The following AZI2 variants were observed in gnomAD, a reference collection of about 807,000 sequenced individuals.
AZI2 encodes the protein 5-azacytidine-induced protein 2.
A neutral mutation model predicts 45.8 loss-of-function variants in AZI2; 22 were observed. The observed-to-expected ratio is 0.48, with a 90% CI of 0.34 to 0.69. AZI2 has a LOEUF of 0.69. Among genes scored for constraint, AZI2 ranks in the 30% least tolerant of loss-of-function variants. The probability of loss-of-function intolerance (pLI) is 0.01; values close to 1 mark genes in which losing one functional copy is unlikely to be tolerated. For missense variants in AZI2, 417 were observed against 441.5 expected (o/e 0.94, Z 0.50); for synonymous variants, 137 against 156.7 (o/e 0.87, Z 0.94).
intron 5 of AZI2, among the ~76,000 whole-genome samples, chr3:28,335,483 G>A (rs1703753863): frequency 6.6e-6 from 1 of 151,854 alleles, no homozygotes; most frequent in Admixed American, 6.6e-5. Flanking sequence ...AATCAACTTT[G>A]TAAGTAGGAA....
chr3:28,331,973 A>AC (rs1340249258), intron 6 of AZI2: 12 of 1,436,540 alleles, frequency 8.4e-6, no homozygotes, highest in East Asian at 2.5e-5. Flanking sequence ...ACAAAAAACA[A>AC]AAAAAAATAA....
chr3:28,347,657 T>C (rs540869953), intron 1 of AZI2, among the ~76,000 whole-genome samples: 13 of 152,354 alleles, frequency 8.5e-5, no homozygotes, highest in African/African-American at 3.1e-4. Context: ...CATTTCCCAT[T>C]ATGTTATGCT....
intron 7 of AZI2, among the ~76,000 whole-genome samples, chr3:28,325,793 C>T (rs1179383064): frequency 1.3e-5 from 2 of 151,016 alleles, no homozygotes; most frequent in Non-Finnish European, 3.0e-5. Flanking sequence ...TCATATATAA[C>T]TCTGACCACT....
At chr3:28,345,639 A>T (rs1352956870) in intron 1 of AZI2, among the ~76,000 whole-genome samples, 1 of 152,138 alleles carries the variant, frequency 6.6e-6, no homozygotes, top group African/African-American at 2.4e-5. Flanking sequence ...TAGAAATAAG[A>T]ACAGTACTAC....
At chr3:28,330,566 GC>G (rs1309755890) in intron 6 of AZI2, among the ~76,000 whole-genome samples, 8 of 151,166 alleles carry the variant, frequency 5.3e-5, no homozygotes, top group African/African-American at 1.9e-4. Flanking sequence ...AAATGATGAG[GC>G]GAAAAATAGA....
intron 1 of AZI2, among the ~76,000 whole-genome samples, chr3:28,346,359 T>C (rs1416220694): frequency 6.6e-6 from 1 of 152,112 alleles, no homozygotes; most frequent in African/African-American, 2.4e-5. Context: ...AAAAGTTTAA[T>C]ACAAATACAG....
Position 28,321,223 on chromosome 3 carries a change from C to T in AZI2, c.*2819G>A, listed in dbSNP as rs1703177510. The T allele has an allele frequency of 6.6e-6, 1 of 151,404 alleles. No individual in the cohort carries two copies. The highest frequency in any genetic ancestry group is 2.1e-4 in the South Asian group (1 of 4,830). The allele number at this position is 151,404 out of a possible 1,614,324, so 9.4% of individuals were successfully genotyped here. A position where few individuals can be genotyped will look rare whatever the true frequency, so the allele number is the denominator to read the frequency against. Reference sequence around the variant, plus strand: ...AGGGGCAAACATGCCCATATTTCCACATTGACCTTTGGTATTGGTGCATTT... The same window carrying T: ...AGGGGCAAACATGCCCATATTTCCATATTGACCTTTGGTATTGGTGCATTT... On this transcript the variant is annotated 3_prime_UTR_variant, in exon 8 of 8. Coordinates refer to ENST00000479665, the MANE Select transcript of AZI2 (RefSeq NM_022461.5).
rs138423101 is a variant in AZI2 at position 28,329,073 on chromosome 3, T to C, written c.648-2123A>G. On this transcript the variant is annotated intron_variant, in intron 6 of 7. Transcript: ENST00000479665. ...ACAAGCAAAATGCTAGTAATATATA[T>C]AGTTGTCTATAAAGAACTTATACAA... is the stretch of plus-strand genomic sequence containing the variant. Among the ~76,000 whole-genome samples the C allele has an allele frequency of 4.4e-3, 665 of 151,364 alleles. 10 individuals are homozygous for C. The highest frequency in any genetic ancestry group is 0.015 in the African/African-American group (623 of 41,442).
At position 28,326,672 on chromosome 3, in the gene AZI2, G is replaced by A. The variant is rs937570437; in HGVS notation, c.766+160C>T. 8 of 716,220 alleles carry A rather than the reference G, an allele frequency of 1.1e-5. No individual in the cohort carries two copies. The Admixed American group carries it at 1.2e-4, about 11-fold the overall frequency. The allele number at this position is 716,220 out of a possible 1,614,324, so 44.4% of individuals were successfully genotyped here. A position where few individuals can be genotyped will look rare whatever the true frequency, so the allele number is the denominator to read the frequency against. On this transcript the variant is annotated intron_variant, in intron 7 of 7. Transcript: ENST00000479665. ...CTTTATGTGTGAAGTTGACCAGTATGAGACTGAAGCCAAAGCAGAGAATGG... is the reference window on the plus strand; with the variant it reads ...CTTTATGTGTGAAGTTGACCAGTATAAGACTGAAGCCAAAGCAGAGAATGG...
At chr3:28,346,347 G>A (rs1364553112) in intron 1 of AZI2, among the ~76,000 whole-genome samples, 1 of 152,028 alleles carries the variant, frequency 6.6e-6, no homozygotes, top group African/African-American at 2.4e-5. Flanking sequence ...AACTGTGAAG[G>A]CAAAAGTTTA....
At position 28,323,645 on chromosome 3, in the gene AZI2, T is replaced by C. The variant is rs1703264332; in HGVS notation, c.*397A>G. ...ATTGCCATTTGTTCCATTATGCAAT[T>C]TGAAGAAACATGTTTTCCTTTTATT... On this transcript the variant is annotated 3_prime_UTR_variant, in exon 8 of 8. Coordinates refer to ENST00000479665, the MANE Select transcript of AZI2 (RefSeq NM_022461.5). 1 of 156,362 alleles carries C rather than the reference T, an allele frequency of 6.4e-6. No homozygotes were observed. Among genetic ancestry groups the C allele is most frequent in the South Asian group, 2.0e-4 (1 of 5,044 alleles). 9.7% of individuals were successfully genotyped at this position (156,362 alleles called of 1,614,324 possible). A position where few individuals can be genotyped will look rare whatever the true frequency, so the allele number is the denominator to read the frequency against.
At chr3:28,343,498 T>A (rs1053702520) in intron 1 of AZI2, among the ~76,000 whole-genome samples, 1 of 151,904 alleles carries the variant, frequency 6.6e-6, no homozygotes, top group African/African-American at 2.4e-5. Context: ...AACACAGGCC[T>A]GGACATGATT....
At position 28,323,095 on chromosome 3, in the gene AZI2, TA is replaced by T. The variant is rs1028948620; in HGVS notation, c.*946del. 2.6e-5 allele frequency: 4 copies of T among 151,168 alleles called. No individual in the cohort carries two copies. Among genetic ancestry groups the T allele is most frequent in the African/African-American group, 9.7e-5 (4 of 41,314 alleles). 9.4% of individuals were successfully genotyped at this position (151,168 alleles called of 1,614,324 possible). ...TTTCTATGATTAAAAATAATAATTT[TA>T]AATCACTTTCTCAATAAATAGAATA... is the stretch of plus-strand genomic sequence containing the variant. On this transcript the variant is annotated 3_prime_UTR_variant, in exon 8 of 8. Transcript: ENST00000479665.
In AZI2 at chr3:28,326,818, A is replaced by G; in HGVS notation, c.766+14T>C. On this transcript the variant is annotated intron_variant, in intron 7 of 7. Coordinates refer to ENST00000479665, the MANE Select transcript of AZI2 (RefSeq NM_022461.5). Reference sequence around the variant, plus strand: ...TTGGCTGGAATCAGTGGTTTCCGGTAAACAGTGACTTGCCTTTCTTGATTG... The same window carrying G: ...TTGGCTGGAATCAGTGGTTTCCGGTGAACAGTGACTTGCCTTTCTTGATTG... The G allele has an allele frequency of 1.3e-6, 2 of 1,581,196 alleles. No homozygotes were observed. The highest frequency in any genetic ancestry group is 1.7e-6 in the Non-Finnish European group (2 of 1,151,084).
intron 6 of AZI2, 33 bp downstream of exon 6, chr3:28,332,336 A>G (rs1284820444): frequency 6.4e-7 from 1 of 1,568,954 alleles, no homozygotes. Context: ...GAAGAAGACA[A>G]CGTATTGTCT....
chr3:28,333,837 A>G lies in AZI2; in HGVS notation c.589-1410T>C, dbSNP rs528015015. ...ACAAAATCTTGGGAAATAATGTTCA[A>G]GTTATATAGGTTTCTATACTATAGC... On this transcript the variant is annotated intron_variant, in intron 5 of 7. Coordinates refer to ENST00000479665, the MANE Select transcript of AZI2 (RefSeq NM_022461.5). Among the ~76,000 whole-genome samples the G allele has an allele frequency of 7.2e-5, 11 of 151,838 alleles. No homozygotes were observed. In the East Asian group the frequency reaches 1.7e-3, roughly 24 times the overall value.
At chr3:28,348,472 T>C (rs1704362169) in intron 1 of AZI2, 129 bp downstream of exon 1, 1 of 152,298 alleles carries the variant, frequency 6.6e-6, no homozygotes, top group African/African-American at 2.4e-5. Context: ...CGCTCCCTAG[T>C]CAAAGGAGGG....
chr3:28,321,393 C>G lies in AZI2; in HGVS notation c.*2649G>C, dbSNP rs748542368. On this transcript the variant is annotated 3_prime_UTR_variant, in exon 8 of 8. Transcript: ENST00000479665. ...TTCATGTAGAAAATTCACTTATGTA[C>G]ATGTTGCTTTCCCCATAGAAGCCAG... is the stretch of plus-strand genomic sequence containing the variant. 3.3e-5 allele frequency: 5 copies of G among 151,390 alleles called. No individual in the cohort carries two copies. Among genetic ancestry groups the G allele is most frequent in the South Asian group, 2.1e-4 (1 of 4,830 alleles). 9.4% of individuals were successfully genotyped at this position (151,390 alleles called of 1,614,324 possible).
chr3:28,346,577 G>C (rs375951980), intron 1 of AZI2, among the ~76,000 whole-genome samples: 1 of 96,612 alleles, frequency 1.0e-5, no homozygotes, highest in African/African-American at 3.2e-5. Flanking sequence ...TTTGAATCAA[G>C]GCCTATATGG....
Sources: allele counts gnomAD v4.1 joint callset (sites outside exome capture counted in the v4.1 genomes callset), GRCh38; gene constraint gnomAD v4.1.1; transcripts MANE v1.5; gene names NCBI Gene and HGNC (gene_info 2026-07-23, HGNC 2026-07-21).